Variants in FAT1 observed in about 807,000 individuals in gnomAD.
The protein encoded by FAT1 is FAT atypical cadherin 1.
A neutral mutation model predicts 329.8 loss-of-function variants in FAT1; 171 were observed. That is an observed-to-expected ratio of 0.52 (90% CI 0.46 to 0.59). The LOEUF (loss-of-function observed/expected upper bound fraction) is 0.59. Ranked by LOEUF, FAT1 falls within the 20% of genes least tolerant of loss-of-function variation. The probability of loss-of-function intolerance (pLI) is 0.00; values close to 1 mark genes in which losing one functional copy is unlikely to be tolerated. For synonymous variants in FAT1, 2,233 were observed against 2,228.6 expected (o/e 1.00, Z -0.06); for missense variants, 5,672 against 5,774.4 (o/e 0.98, Z 0.57).
chr4:186,606,298 C>CA (rs200982159), intron 16 of FAT1, 85 bp from the exon 17 acceptor site: 35 of 1,449,548 alleles, frequency 2.4e-5, no homozygotes, highest in South Asian at 8.2e-5. Context: ...AGAGTCCTGA[C>CA]GGGCAGGTCC....
chr4:186,707,942 G>A lies in FAT1; in HGVS notation c.1886C>T (p.Ser629Leu), dbSNP rs776913986. ...CTTTGCACCTAAGCCATCCATTAGC[G>A]ATCGCTTTAATGACAATACCCCCGA... ...PNSGVLSLKR[S>L]LMDGLGAKVS... The change falls in exon 2 of 27, where the codon TCG becomes TTG. Residue 629 changes from serine (S) to leucine (L), a missense_variant. Ser to Leu is a moderately radical substitution (Grantham distance 145). Around this residue, in one of 2 missense-constraint regions of FAT1, gnomAD observed 3,966 missense variants for 3,915.2 expected, o/e 1.01. Transcript: ENST00000441802. 1.9e-5 allele frequency: 30 copies of A among 1,613,822 alleles called. No individual in the cohort carries two copies. The highest frequency in any genetic ancestry group is 3.3e-5 in the Admixed American group (2 of 59,996).
chr4:186,680,960 C>T (rs1160265612), intron 2 of FAT1, among the ~76,000 whole-genome samples: 7 of 152,160 alleles, frequency 4.6e-5, no homozygotes, highest in Non-Finnish European at 1.0e-4. Flanking sequence ...TAATGATCTG[C>T]CAACCAAACC....
chr4:186,691,729 G>A (rs1249624289), intron 2 of FAT1, among the ~76,000 whole-genome samples: 1 of 152,078 alleles, frequency 6.6e-6, no homozygotes, highest in African/African-American at 2.4e-5. Flanking sequence ...GATTGCTTGA[G>A]CCCCGGAGTT....
chr4:186,644,050 C>T (rs567299898), intron 3 of FAT1, among the ~76,000 whole-genome samples: 11 of 152,238 alleles, frequency 7.2e-5, no homozygotes, highest in Admixed American at 2.0e-4. Flanking sequence ...GCTGCCTGAA[C>T]CAAAGAGAAG....
At chr4:186,611,252 A>G in intron 14 of FAT1, 134 bp downstream of exon 14, 1 of 724,746 alleles carries the variant, frequency 1.4e-6, no homozygotes, top group Non-Finnish European at 2.2e-6. Flanking sequence ...TAAATAACTA[A>G]AAGAAAACTT....
In FAT1 at chr4:186,621,408, G is replaced by GT. The variant is rs778866873; in HGVS notation, c.5177dup (p.Asp1726GlufsTer3). 6.2e-7 allele frequency: 1 copy of GT among 1,614,012 alleles called. No individual in the cohort carries two copies. The highest frequency in any genetic ancestry group is 1.1e-5 in the South Asian group (1 of 91,084). On this transcript the variant is annotated frameshift_variant, in exon 10 of 27. Transcript: ENST00000441802. LOFTEE classifies it high-confidence loss of function. ...ATGTGTAAATGGGCAAAGTTTCAAAGTCCAGGGCTTTCTGAGTGATGATAG... is the reference window on the plus strand; with the variant it reads ...ATGTGTAAATGGGCAAAGTTTCAAAGTTCCAGGGCTTTCTGAGTGATGATAG...
chr4:186,715,783 A>G (rs1361477518), intron 1 of FAT1, among the ~76,000 whole-genome samples: 1 of 152,248 alleles, frequency 6.6e-6, no homozygotes, highest in African/African-American at 2.4e-5. Context: ...CAAAACAAAG[A>G]GTGTTTACTT....
In FAT1 at chr4:186,619,074, G is replaced by A. The variant is rs1002759839; in HGVS notation, c.7512C>T (p.Asn2504=). The A allele has an allele frequency of 6.8e-6, 11 of 1,613,834 alleles. No homozygotes were observed. The highest frequency in any genetic ancestry group is 1.6e-4 in the Middle Eastern group (1 of 6,084). Residue 2504 remains asparagine (N), a synonymous_variant, in exon 10 of 27, where the codon AAC becomes AAT. Coordinates refer to ENST00000441802, the MANE Select transcript of FAT1 (RefSeq NM_005245.4). The stretch of plus-strand genomic sequence containing the variant: ...CCATCACCAGGGTATGTAGGGGAGC[G>A]TTTTCAGCTAGTTCCACTTCATATT... The part of the protein sequence containing the change: ...QNEYEVELAE[N]APLHTLVMEV...
chr4:186,647,583 T>G (rs1271996260), intron 3 of FAT1, among the ~76,000 whole-genome samples: 2 of 152,204 alleles, frequency 1.3e-5, no homozygotes, highest in African/African-American at 4.8e-5. Flanking sequence ...CAGCTCCTTT[T>G]GCAGGAAGGA....
intron 2 of FAT1, among the ~76,000 whole-genome samples, chr4:186,684,849 G>C (rs548046250): frequency 6.6e-6 from 1 of 152,150 alleles, no homozygotes; most frequent in Non-Finnish European, 1.5e-5. Context: ...GTTTTCATTT[G>C]CTACTCTGTT....
intron 2 of FAT1, among the ~76,000 whole-genome samples, chr4:186,702,513 C>T (rs747034578): frequency 1.8e-4 from 27 of 152,174 alleles, no homozygotes; most frequent in African/African-American, 4.8e-4. Flanking sequence ...GCGTCCTGTA[C>T]GCAATACACA....
intron 2 of FAT1, among the ~76,000 whole-genome samples, chr4:186,695,099 A>G (rs1258575124): frequency 2.6e-5 from 4 of 152,266 alleles, no homozygotes; most frequent in African/African-American, 4.8e-5. Context: ...CTTAAGTTTT[A>G]AGAAATTCAT....
At chr4:186,721,502 G>A (rs1425056040) in intron 1 of FAT1, among the ~76,000 whole-genome samples, 2 of 152,206 alleles carry the variant, frequency 1.3e-5, no homozygotes, top group Non-Finnish European at 2.9e-5. Flanking sequence ...ATTATCTAGC[G>A]CAAATCCCAC....
chr4:186,686,959 C>T (rs1377533636), intron 2 of FAT1, among the ~76,000 whole-genome samples: 6 of 152,210 alleles, frequency 3.9e-5, no homozygotes, highest in Admixed American at 2.6e-4. Context: ...TCAACTACTT[C>T]TGATTTTACG....
intron 20 of FAT1, among the ~76,000 whole-genome samples, chr4:186,602,279 C>A (rs1738849907): frequency 6.6e-6 from 1 of 152,076 alleles, no homozygotes; most frequent in Admixed American, 6.5e-5. Flanking sequence ...TTTTGGAAAA[C>A]TAATATAGTG....
intron 1 of FAT1, among the ~76,000 whole-genome samples, chr4:186,715,357 G>A (rs921962160): frequency 6.6e-6 from 1 of 152,008 alleles, no homozygotes; most frequent in Non-Finnish European, 1.5e-5. Flanking sequence ...GGACGGACTT[G>A]TGGACCACAT....
intron 7 of FAT1, among the ~76,000 whole-genome samples, chr4:186,629,487 T>A (rs933658935): frequency 2.6e-5 from 4 of 152,130 alleles, no homozygotes; most frequent in African/African-American, 9.7e-5. Context: ...ACTTTGACAG[T>A]AAGAGGATTA....
At chr4:186,705,454 C>G (rs1272044052) in intron 2 of FAT1, among the ~76,000 whole-genome samples, 2 of 152,130 alleles carry the variant, frequency 1.3e-5, no homozygotes, top group African/African-American at 4.8e-5. Flanking sequence ...GATTAGTAAA[C>G]AAATTGAGCC....
chr4:186,706,435 C>A lies in FAT1; in HGVS notation c.3265+128G>T, dbSNP rs1045074673. 12 of 975,392 alleles carry A rather than the reference C, an allele frequency of 1.2e-5. No homozygotes were observed. In the African/African-American group the frequency reaches 2.0e-4, roughly 16 times the overall value. 60.4% of individuals were successfully genotyped at this position (975,392 alleles called of 1,614,324 possible). A position where few individuals can be genotyped will look rare whatever the true frequency, so the allele number is the denominator to read the frequency against. On this transcript the variant is annotated intron_variant, in intron 2 of 26. Transcript: ENST00000441802. ...CAGCAGCCGGGCCAAAAAAAATATT[C>A]ACACGCACTTCTATACCGAGCCCAA...
Sources: allele counts gnomAD v4.1 joint callset (sites outside exome capture counted in the v4.1 genomes callset), GRCh38; gene constraint gnomAD v4.1.1; regional missense constraint gnomAD v4.1.1; transcripts MANE v1.5; gene names NCBI Gene and HGNC (gene_info 2026-07-23, HGNC 2026-07-21).